The following MYRIP variants were observed in gnomAD, a reference collection of about 807,000 sequenced individuals.
MYRIP encodes the protein rab effector MyRIP.
Under a neutral mutation model 98.0 loss-of-function variants are expected in MYRIP, and 49 were observed. That is an observed-to-expected ratio of 0.50 (90% CI 0.40 to 0.63). The LOEUF is 0.63. Ranked by LOEUF, MYRIP falls within the 30% of genes least tolerant of loss-of-function variation. MYRIP has a pLI of 0.00. For missense variants in MYRIP, 1,004 were observed against 1,058.2 expected, an observed-to-expected ratio of 0.95 and a Z score of 0.71; for synonymous variants, 404 against 409.5, an observed-to-expected ratio of 0.99 and a Z score of 0.16.
intron 1 of MYRIP, among the ~76,000 whole-genome samples, chr3:39,829,769 C>G (rs1417783365): frequency 6.6e-6 from 1 of 151,974 alleles, no homozygotes; most frequent in Non-Finnish European, 1.5e-5. Context: ...ACTGAGAAAC[C>G]TAAAAAAAAT....
At chr3:40,078,729 G>C (rs867788816) in intron 3 of MYRIP, among the ~76,000 whole-genome samples, 112 of 152,280 alleles carry the variant, frequency 7.4e-4, no homozygotes, top group African/African-American at 2.6e-3. Context: ...TCCCAGATTA[G>C]CACTTGTAAA....
intron 1 of MYRIP, among the ~76,000 whole-genome samples, chr3:39,860,101 A>T (rs1575314226): frequency 6.6e-6 from 1 of 152,184 alleles, no homozygotes; most frequent in Admixed American, 6.5e-5. Context: ...TGTATAGAAA[A>T]CTCTAAAGAC....
chr3:40,235,213 G>A (rs896768229), intron 12 of MYRIP, among the ~76,000 whole-genome samples: 4 of 151,942 alleles, frequency 2.6e-5, no homozygotes, highest in East Asian at 3.9e-4. Context: ...CATGGTTCCC[G>A]CTCCCCAATT....
intron 1 of MYRIP, among the ~76,000 whole-genome samples, chr3:39,811,093 G>T (rs1379498520): frequency 2.0e-5 from 3 of 152,140 alleles, no homozygotes; most frequent in Admixed American, 2.0e-4. Flanking sequence ...CAGTGGGGCC[G>T]CCTGTGGTGT....
intron 2 of MYRIP, among the ~76,000 whole-genome samples, chr3:40,042,337 G>A (rs918953020): frequency 1.3e-5 from 2 of 149,534 alleles, no homozygotes; most frequent in Non-Finnish European, 1.5e-5. Context: ...CCACTACAGG[G>A]GCTAATTGAC....
rs537229855 is a variant in MYRIP, at chr3:39,942,517, T to A, written c.110+41591T>A. ...TAGGTTTTTTCCTTTTCTCAAACTT[T>A]ATTTTTTATTGATACATAATAGATG... On this transcript the variant is annotated intron_variant, in intron 2 of 16. Coordinates refer to ENST00000302541, the MANE Select transcript of MYRIP (RefSeq NM_015460.4). Among the ~76,000 whole-genome samples, 93 of 152,276 alleles carry A rather than the reference T, an allele frequency of 6.1e-4. 1 individual carries two copies. Among genetic ancestry groups the A allele is most frequent in the African/African-American group, 2.1e-3 (86 of 41,570 alleles).
intron 2 of MYRIP, among the ~76,000 whole-genome samples, chr3:40,031,109 C>T (rs929145875): frequency 4.6e-5 from 7 of 152,052 alleles, no homozygotes; most frequent in Admixed American, 4.6e-4. Context: ...GTATTTCTCA[C>T]AGTTTTGGAG....
At chr3:40,107,783 T>C (rs1949077271) in intron 3 of MYRIP, among the ~76,000 whole-genome samples, 1 of 152,198 alleles carries the variant, frequency 6.6e-6, no homozygotes, top group African/African-American at 2.4e-5. Context: ...CTAAACTAAC[T>C]GACTGCATTT....
intron 3 of MYRIP, among the ~76,000 whole-genome samples, chr3:40,083,960 A>T (rs4676466): frequency 0.69 from 103,819 of 151,208 alleles, 36,373 homozygotes; most frequent in Admixed American, 0.76. Context: ...ACACAGTGAA[A>T]CCCCGTCTCT....
At chr3:40,199,326 A>G (rs746238709) in intron 10 of MYRIP, among the ~76,000 whole-genome samples, 11 of 152,170 alleles carry the variant, frequency 7.2e-5, no homozygotes, top group Non-Finnish European at 1.3e-4. Context: ...CTGTTCAATT[A>G]AGTCAGGCTG....
chr3:40,022,671 G>A (rs1947023666), intron 2 of MYRIP, among the ~76,000 whole-genome samples: 1 of 152,188 alleles, frequency 6.6e-6, no homozygotes, highest in African/African-American at 2.4e-5. Context: ...CAATGGCAGA[G>A]CAGGAGCAGG....
At chr3:39,988,816 T>A (rs549156644) in intron 2 of MYRIP, among the ~76,000 whole-genome samples, 1 of 151,940 alleles carries the variant, frequency 6.6e-6, no homozygotes, top group East Asian at 2.0e-4. Flanking sequence ...CTATTGATAC[T>A]TGTGTATGCG....
intron 8 of MYRIP, among the ~76,000 whole-genome samples, chr3:40,181,328 T>C (rs1950878672): frequency 6.6e-6 from 1 of 152,110 alleles, no homozygotes; most frequent in Admixed American, 6.5e-5. Context: ...CTAGGCTAGG[T>C]ACCTGTGGGA....
At chr3:39,979,355 C>G (rs923103599) in intron 2 of MYRIP, among the ~76,000 whole-genome samples, 5 of 152,088 alleles carry the variant, frequency 3.3e-5, no homozygotes, top group Admixed American at 3.3e-4. Flanking sequence ...AACTAAGCAG[C>G]TGGCCAGGCA....
chr3:39,904,208 T>A (rs529571563), intron 2 of MYRIP, among the ~76,000 whole-genome samples: 18 of 152,338 alleles, frequency 1.2e-4, no homozygotes, highest in South Asian at 4.2e-4. Context: ...TTAAATTTTT[T>A]AAAAATTCAT....
At chr3:39,977,043 T>TA (rs887040112) in intron 2 of MYRIP, among the ~76,000 whole-genome samples, 5 of 139,564 alleles carry the variant, frequency 3.6e-5, no homozygotes, top group Non-Finnish European at 4.6e-5. Context: ...CTGAAAGTAT[T>TA]AAAAAAAAAT....
chr3:40,221,196 C>T (rs1299919961), intron 11 of MYRIP, among the ~76,000 whole-genome samples: 3 of 151,888 alleles, frequency 2.0e-5, no homozygotes, highest in African/African-American at 4.8e-5. Flanking sequence ...TTTAATTCAA[C>T]AAATGTTTAT....
At chr3:40,050,124 T>C (rs539876435) in intron 3 of MYRIP, among the ~76,000 whole-genome samples, 15 of 152,292 alleles carry the variant, frequency 9.8e-5, no homozygotes, top group South Asian at 8.3e-4. Flanking sequence ...GCTAAGATCA[T>C]TGATGAAGGT....
Position 40,016,705 on chromosome 3 carries a change from G to A in MYRIP, c.111-27345G>A, listed in dbSNP as rs9880893. On this transcript the variant is annotated intron_variant, in intron 2 of 16. Coordinates refer to ENST00000302541, the MANE Select transcript of MYRIP (RefSeq NM_015460.4). ...GCTCTGCTTATTGAATCTGATCTAAGTCAGAGGTCATTGTCACAGCTTGAA... is the reference window on the plus strand; with the variant it reads ...GCTCTGCTTATTGAATCTGATCTAAATCAGAGGTCATTGTCACAGCTTGAA... Among the ~76,000 whole-genome samples the A allele has an allele frequency of 7.2e-3, 1,101 of 152,298 alleles. 15 individuals are homozygous for A. Among genetic ancestry groups the A allele is most frequent in the African/African-American group, 0.025 (1,044 of 41,568 alleles).
Sources: allele counts gnomAD v4.1 joint callset (sites outside exome capture counted in the v4.1 genomes callset), GRCh38; gene constraint gnomAD v4.1.1; transcripts MANE v1.5; gene names NCBI Gene and HGNC (gene_info 2026-07-23, HGNC 2026-07-21).